The following EXD1 variants were observed in gnomAD, a reference collection of about 807,000 sequenced individuals.
EXD1 encodes piRNA biogenesis protein EXD1.
In EXD1, 63 loss-of-function variants were observed where a neutral mutation model predicts 49.1. That is an observed-to-expected ratio of 1.28 (90% CI 1.05 to 1.58). The LOEUF is 1.58. Ranked by LOEUF, EXD1 falls within the 40% of genes most tolerant of loss-of-function variation. EXD1 has a pLI of 0.00. For synonymous variants in EXD1, 234 were observed against 239.2 expected (o/e 0.98, Z 0.20); for missense variants, 748 against 666.0 (o/e 1.12, Z -1.36).
chr15:41,226,651 T>C (rs1035879403), intron 1 of EXD1, 23 bp from the exon 2 acceptor site: 6 of 1,460,308 alleles, frequency 4.1e-6, no homozygotes, highest in Non-Finnish European at 4.5e-6. Context: ...TAAAGAGATC[T>C]ATGAATTTTA....
At chr15:41,229,941 T>C (rs1356105238) in intron 1 of EXD1, among the ~76,000 whole-genome samples, 1 of 152,094 alleles carries the variant, frequency 6.6e-6, no homozygotes, top group African/African-American at 2.4e-5. Context: ...TCCTGGTACT[T>C]GGGTACTAAC....
intron 9 of EXD1, among the ~76,000 whole-genome samples, chr15:41,193,467 T>C (rs148980834): frequency 6.6e-6 from 1 of 152,136 alleles, no homozygotes; most frequent in African/African-American, 2.4e-5. Flanking sequence ...GGGCCTGGCA[T>C]GTTGGCTCAC....
chr15:41,219,054 A>G (rs2047048111), intron 3 of EXD1, among the ~76,000 whole-genome samples: 1 of 151,782 alleles, frequency 6.6e-6, no homozygotes, highest in Admixed American at 6.6e-5. Flanking sequence ...CCTGATCTGT[A>G]CTCCTCCTTA....
rs1429529139 is a variant in EXD1, at chr15:41,183,932, T to C, written c.1718A>G (p.Ter573TrpextTer7). 1.3e-6 allele frequency: 2 copies of C among 1,586,450 alleles called. No individual in the cohort carries two copies. The highest frequency in any genetic ancestry group is 1.8e-5 in the Admixed American group (1 of 55,982). ...GCCTTAAGAACAAACTGCCCATCTCTAGGGCAGATTTAGAAAAGGACTTAT... is the reference window on the plus strand; with the variant it reads ...GCCTTAAGAACAAACTGCCCATCTCCAGGGCAGATTTAGAAAAGGACTTAT... ...SWISPFLNLP[*>W] Residue 573 changes from the stop codon to tryptophan, a stop_lost, in exon 12 of 12, where the codon TAG becomes TGG. Coordinates refer to ENST00000458580, the MANE Select transcript of EXD1 (RefSeq NM_001286441.2).
intron 1 of EXD1, among the ~76,000 whole-genome samples, chr15:41,230,150 C>T (rs1207605627): frequency 2.1e-5 from 3 of 143,320 alleles, no homozygotes. Flanking sequence ...ATGCCGCGAT[C>T]TCGGCTCACT....
At chr15:41,217,221 C>T in intron 3 of EXD1, 67 bp from the exon 4 acceptor site, 2 of 1,306,066 alleles carry the variant, frequency 1.5e-6, no homozygotes, top group Non-Finnish European at 2.2e-6. Context: ...CTCCACTACC[C>T]ACACACCCCT....
intron 7 of EXD1, among the ~76,000 whole-genome samples, chr15:41,197,652 CT>C (rs988389569): frequency 1.9e-4 from 28 of 147,064 alleles, no homozygotes; most frequent in African/African-American, 2.2e-4. Context: ...GAGACTTTCC[CT>C]TTTTTTTTTG....
rs59054803 is a variant in EXD1, at chr15:41,192,594, A to ATTTTTTTTTTTTTTTTTTTTTTTTT, written c.721-1034_721-1010dup. 1.7e-4 allele frequency among the ~76,000 whole-genome samples: 7 copies of ATTTTTTTTTTTTTTTTTTTTTTTTT among 40,838 alleles called. 3 individuals carry two copies. The allele number at this position is 40,838 out of a possible 152,430, so 26.8% of individuals were successfully genotyped here. ...ACAGGCGTGAACCACTGCGCCAGGCATTTTTTTTTTTTTTTTTTTTTTTTT... is the reference window on the plus strand; with the variant it reads ...ACAGGCGTGAACCACTGCGCCAGGCATTTTTTTTTTTTTTTTTTTTTTTTTTTTTTTTTTTTTTTTTTTTTTTTTT... On this transcript the variant is annotated intron_variant, in intron 9 of 11. Transcript: ENST00000458580.
At chr15:41,205,115 T>C (rs2046801954) in intron 7 of EXD1, among the ~76,000 whole-genome samples, 1 of 152,214 alleles carries the variant, frequency 6.6e-6, no homozygotes, top group African/African-American at 2.4e-5. Flanking sequence ...AAGGTTCTCA[T>C]GTACGCGTTA....
Position 41,195,818 on chromosome 15 carries a change from G to C in EXD1, c.677C>G (p.Ser226Cys), listed in dbSNP as rs781198858. The C allele has an allele frequency of 1.2e-6, 2 of 1,613,740 alleles. No homozygotes were observed. Among genetic ancestry groups the C allele is most frequent in the South Asian group, 1.1e-5 (1 of 90,980 alleles). The change falls in exon 9 of 12, where the codon TCT becomes TGT. Residue 226 changes from serine to cysteine, a missense_variant. Physicochemically the swap from Ser to Cys is moderately radical, Grantham distance 112. Transcript: ENST00000458580. ...ATTCAGCAAAATTCCATACTGATGA[G>C]AGAGGCAATCAGAAAGCCAACGACA... ...HDCRWLSDCL[S>C]HQYGILLNNV... is the part of the protein sequence containing the mutation.
At chr15:41,230,024 G>A (rs2047215359) in intron 1 of EXD1, among the ~76,000 whole-genome samples, 2 of 151,400 alleles carry the variant, frequency 1.3e-5, no homozygotes, top group African/African-American at 4.9e-5. Flanking sequence ...TAAGGCAGGT[G>A]AAGCAGTAAG....
intron 2 of EXD1, among the ~76,000 whole-genome samples, chr15:41,224,971 A>AG (rs1482258054): frequency 6.6e-6 from 1 of 151,938 alleles, no homozygotes; most frequent in African/African-American, 2.4e-5. Flanking sequence ...TTGTCTTAAA[A>AG]AAAAAAGGAT....
At chr15:41,227,701 A>T (rs904743964) in intron 1 of EXD1, among the ~76,000 whole-genome samples, 2 of 151,622 alleles carry the variant, frequency 1.3e-5, no homozygotes, top group African/African-American at 4.9e-5. Context: ...AAGAATTACA[A>T]CCATATAGAA....
chr15:41,219,990 T>A (rs1488837961), intron 2 of EXD1, 92 bp from the exon 3 acceptor site: 11 of 955,292 alleles, frequency 1.2e-5, no homozygotes, highest in Non-Finnish European at 1.5e-5. Context: ...CAAGTCTGAG[T>A]TGTATTTAAA....
intron 11 of EXD1, among the ~76,000 whole-genome samples, chr15:41,187,130 C>T (rs1243824518): frequency 6.6e-6 from 1 of 151,942 alleles, no homozygotes; most frequent in Non-Finnish European, 1.5e-5. Flanking sequence ...GTTATCCGCT[C>T]GCCTGGGCCT....
intron 9 of EXD1, among the ~76,000 whole-genome samples, chr15:41,194,195 T>C (rs57943533): frequency 0.27 from 40,244 of 151,632 alleles, 7,116 homozygotes; most frequent in African/African-American, 0.5. Flanking sequence ...GTATTTTTAG[T>C]AGAGACAGGG....
chr15:41,199,768 T>TC (rs2046692605), intron 7 of EXD1, among the ~76,000 whole-genome samples: 3 of 134,122 alleles, frequency 2.2e-5, no homozygotes, highest in South Asian at 2.2e-4. Flanking sequence ...ACATATATGA[T>TC]ATATATGTCA....
intron 2 of EXD1, among the ~76,000 whole-genome samples, chr15:41,225,815 G>T (rs2047155326): frequency 6.6e-6 from 1 of 151,954 alleles, no homozygotes. Context: ...TTGAACTTGG[G>T]AGGCGGAGGT....
chr15:41,226,380 G>A (rs951666616), intron 2 of EXD1, 63 bp downstream of exon 2: 4 of 1,455,686 alleles, frequency 2.7e-6, no homozygotes, highest in East Asian at 2.5e-5. Flanking sequence ...CACTAATGGA[G>A]CCCACTGAAA....
Sources: gnomAD v4.1 joint callset for allele counts (sites outside exome capture counted in the v4.1 genomes callset) on GRCh38, gnomAD v4.1.1 for gene constraint, MANE v1.5 for transcripts, NCBI Gene and HGNC (gene_info 2026-07-23, HGNC 2026-07-21) for gene names.